Variants in PPM1L observed in about 807,000 individuals in gnomAD.
The protein encoded by PPM1L is protein phosphatase, Mg2+/Mn2+ dependent 1L.
Under a neutral mutation model 31.4 loss-of-function variants are expected in PPM1L, and 13 were observed. The ratio of observed to expected loss-of-function variants is 0.41; its 90% CI spans 0.27 to 0.66. The LOEUF (loss-of-function observed/expected upper bound fraction) is 0.66. PPM1L is among the 30% of genes least tolerant of loss of function. The pLI, the probability that PPM1L is intolerant of heterozygous loss-of-function variation, is 0.29. For synonymous variants in PPM1L, 184 were observed against 175.4 expected, an observed-to-expected ratio of 1.05 and a Z score of -0.39; for missense variants, 326 against 453.7, an observed-to-expected ratio of 0.72 and a Z score of 2.56.
At chr3:160,965,980 C>G (rs552384201) in intron 2 of PPM1L, among the ~76,000 whole-genome samples, 18 of 151,932 alleles carry the variant, frequency 1.2e-4, no homozygotes, top group African/African-American at 4.1e-4. Context: ...ATTTTTTCAC[C>G]CTCTCCTTTT....
At chr3:161,068,368 C>T (rs528764129) in intron 3 of PPM1L, among the ~76,000 whole-genome samples, 1 of 152,264 alleles carries the variant, frequency 6.6e-6, no homozygotes, top group East Asian at 1.9e-4. Context: ...TTTGGGGGGA[C>T]AGAGCTGTTT....
intron 1 of PPM1L, among the ~76,000 whole-genome samples, chr3:160,779,261 C>CACCA (rs1377227994): frequency 3.3e-5 from 5 of 152,112 alleles, no homozygotes; most frequent in African/African-American, 1.2e-4. Context: ...GTCAGTTCTG[C>CACCA]TTTATCACTG....
chr3:160,756,413 A>G lies in PPM1L; in HGVS notation c.105A>G (p.Leu35=), dbSNP rs139480252. The part of the protein sequence containing the change: ...TLFLLCISLA[L]WSYFFHTDEV... ...TCCTGCTGTGCATCAGCTTGGCTCT[A>G]TGGAGTTACTTCTTCCACACCGACG... is the stretch of plus-strand genomic sequence containing the variant. The change falls in exon 1 of 4, where the codon CTA becomes CTG. Residue 35 remains leucine (L), a synonymous_variant. Coordinates refer to ENST00000498165, the MANE Select transcript of PPM1L (RefSeq NM_139245.4). This position sits in a 1 kb window ranked among gnomAD's most constrained non-coding sequence, Gnocchi z 6.2. The G allele has an allele frequency of 5.9e-5, 96 of 1,614,046 alleles. No individual in the cohort carries two copies. The highest frequency in any genetic ancestry group is 4.1e-4 in the African/African-American group (31 of 74,936).
chr3:161,056,378 G>A (rs1209274576), intron 2 of PPM1L, among the ~76,000 whole-genome samples: 1 of 152,056 alleles, frequency 6.6e-6, no homozygotes, highest in East Asian at 1.9e-4. Flanking sequence ...TCTCTGTAAC[G>A]GGATTGTAAG....
intron 2 of PPM1L, among the ~76,000 whole-genome samples, chr3:160,989,995 T>TTGTTC (rs1437748945): frequency 6.6e-6 from 1 of 150,490 alleles, no homozygotes; most frequent in East Asian, 2.0e-4. Context: ...TTGTTTTGTT[T>TTGTTC]TGTTTTGTTT....
At chr3:160,963,528 G>A (rs1015457182) in intron 2 of PPM1L, among the ~76,000 whole-genome samples, 19 of 152,038 alleles carry the variant, frequency 1.2e-4, no homozygotes, top group Non-Finnish European at 8.8e-5. Context: ...ATATCTTCGC[G>A]TTATTAAAGT....
chr3:160,788,098 G>A (rs1183851982), intron 1 of PPM1L, among the ~76,000 whole-genome samples: 2 of 151,964 alleles, frequency 1.3e-5, no homozygotes, highest in African/African-American at 4.8e-5. Flanking sequence ...GCTATTGTGG[G>A]CTCTTTTTTT....
chr3:160,961,598 A>G (rs528046925), intron 1 of PPM1L, 138 bp from the exon 2 acceptor site: 48 of 585,072 alleles, frequency 8.2e-5, no homozygotes, highest in Admixed American at 6.5e-4. Flanking sequence ...ACTAAAAATG[A>G]CGATGACAAG....
At chr3:160,768,130 C>A (rs187534934) in intron 1 of PPM1L, among the ~76,000 whole-genome samples, 1 of 152,156 alleles carries the variant, frequency 6.6e-6, no homozygotes, top group Non-Finnish European at 1.5e-5. Context: ...GTTTTTACTT[C>A]TGGTTTATTT....
intron 1 of PPM1L, among the ~76,000 whole-genome samples, chr3:160,843,424 TTTTATATATATATATATATA>T (rs1369366676): frequency 0.011 from 575 of 50,094 alleles, 15 homozygotes; most frequent in African/African-American, 0.035. Flanking sequence ...ATGGCAATTC[TTTTATATATATATATATATA>T]TATATATATA....
chr3:160,888,540 A>G (rs1274284201), intron 1 of PPM1L, among the ~76,000 whole-genome samples: 1 of 152,242 alleles, frequency 6.6e-6, no homozygotes, highest in Non-Finnish European at 1.5e-5. Context: ...ACAAGTTCTT[A>G]GAGACCTACA....
At chr3:160,863,589 G>C (rs1329967444) in intron 1 of PPM1L, among the ~76,000 whole-genome samples, 2 of 152,190 alleles carry the variant, frequency 1.3e-5, no homozygotes, top group Non-Finnish European at 2.9e-5. Flanking sequence ...TGCTGCTGTG[G>C]AAACTGTCTA....
At chr3:160,951,278 C>T (rs1715569422) in intron 1 of PPM1L, among the ~76,000 whole-genome samples, 2 of 152,146 alleles carry the variant, frequency 1.3e-5, no homozygotes, top group South Asian at 2.1e-4. Flanking sequence ...ACAAACTATT[C>T]CCCCTGAATC....
intron 2 of PPM1L, among the ~76,000 whole-genome samples, chr3:160,985,945 G>C (rs1217361791): frequency 6.8e-6 from 1 of 146,886 alleles, no homozygotes; most frequent in Non-Finnish European, 1.5e-5. Flanking sequence ...TGCCTATATT[G>C]ATGGCACAGT....
intron 1 of PPM1L, among the ~76,000 whole-genome samples, chr3:160,854,051 G>A (rs376962552): frequency 7.0e-4 from 107 of 152,286 alleles, no homozygotes; most frequent in African/African-American, 2.4e-3. Context: ...AAGTTTACTG[G>A]ACTTTCAGGT....
intron 1 of PPM1L, among the ~76,000 whole-genome samples, chr3:160,816,246 C>T (rs1712990347): frequency 6.8e-6 from 1 of 147,110 alleles, no homozygotes; most frequent in Non-Finnish European, 1.5e-5. Flanking sequence ...CATTTGCAAT[C>T]AAGAGCAGTT....
At chr3:160,768,279 C>A (rs772553501) in intron 1 of PPM1L, among the ~76,000 whole-genome samples, 1 of 152,092 alleles carries the variant, frequency 6.6e-6, no homozygotes, top group South Asian at 2.1e-4. Flanking sequence ...TTTTTAAGGA[C>A]TTTCATCAAG....
chr3:160,838,823 G>A (rs1167309825), intron 1 of PPM1L, among the ~76,000 whole-genome samples: 2 of 152,114 alleles, frequency 1.3e-5, no homozygotes, highest in Admixed American at 1.3e-4. Context: ...GGAGGGTCTT[G>A]GGGGTTAAAA....
chr3:160,900,552 A>G (rs1441006797), intron 1 of PPM1L, among the ~76,000 whole-genome samples: 1 of 151,986 alleles, frequency 6.6e-6, no homozygotes, highest in Non-Finnish European at 1.5e-5. Flanking sequence ...CCCTTCCTTC[A>G]GTGCTTCAAG....
Sources: gnomAD v4.1 joint callset for allele counts (sites outside exome capture counted in the v4.1 genomes callset) on GRCh38, gnomAD v4.1.1 for gene constraint, Gnocchi (gnomAD v3.1) non-coding constraint, MANE v1.5 for transcripts, NCBI Gene and HGNC (gene_info 2026-07-23, HGNC 2026-07-21) for gene names.